AATF: variants seen among roughly 807,000 people sequenced by gnomAD.
AATF encodes the protein apoptosis antagonizing transcription factor, also known as protein AATF.
AATF carries 48 observed loss-of-function variants against 63.7 expected under a neutral mutation model. That is an observed-to-expected ratio of 0.75 (90% confidence interval 0.60 to 0.96). AATF has a LOEUF of 0.96. Among genes scored for constraint, AATF ranks in the 40% least tolerant of loss-of-function variants. The probability of loss-of-function intolerance (pLI) is 0.00; values close to 1 mark genes in which losing one functional copy is unlikely to be tolerated. For synonymous variants in AATF, 258 were observed against 247.7 expected (o/e 1.04, Z -0.39); for missense variants, 639 against 685.7 (o/e 0.93, Z 0.76).
chr17:37,003,147 A>G (rs1004139802), intron 8 of AATF, among the ~76,000 whole-genome samples: 1 of 152,126 alleles, frequency 6.6e-6, no homozygotes, highest in Admixed American at 6.5e-5. Context: ...TAACCTTTAC[A>G]TTTATAGTTC....
intron 2 of AATF, among the ~76,000 whole-genome samples, chr17:36,950,700 T>C (rs761988688): frequency 1.3e-5 from 2 of 152,184 alleles, no homozygotes; most frequent in Non-Finnish European, 2.9e-5. Context: ...GGTTTGTCCA[T>C]GTTGGTCAGG....
chr17:37,039,323 A>G (rs1227718736), intron 11 of AATF, among the ~76,000 whole-genome samples: 2 of 152,234 alleles, frequency 1.3e-5, no homozygotes, highest in Non-Finnish European at 2.9e-5. Flanking sequence ...TTATTCTGAC[A>G]GGTGAGACAA....
intron 4 of AATF, among the ~76,000 whole-genome samples, chr17:36,968,266 CTTTCTTTTTTTT>C (rs2071009607): frequency 1.3e-5 from 1 of 75,570 alleles, no homozygotes; most frequent in African/African-American, 5.4e-5. Context: ...TTCTTTCCTT[CTTTCTTTTTTTT>C]TTTTTTTTTT....
At chr17:37,007,053 T>G (rs968025882) in intron 8 of AATF, among the ~76,000 whole-genome samples, 4 of 152,232 alleles carry the variant, frequency 2.6e-5, no homozygotes, top group African/African-American at 9.6e-5. Context: ...TTCTTAGACC[T>G]TATTTGCATA....
At chr17:37,026,930 AG>A (rs2071515071) in intron 10 of AATF, among the ~76,000 whole-genome samples, 1 of 152,212 alleles carries the variant, frequency 6.6e-6, no homozygotes. Flanking sequence ...AGTGTATGCC[AG>A]CTGTCATCAC....
Position 37,019,086 on chromosome 17 carries a change from A to G in AATF, c.1466+14A>G, listed in dbSNP as rs1205849502. 23 of 1,611,942 alleles carry G rather than the reference A, an allele frequency of 1.4e-5. No homozygotes were observed. The highest frequency in any genetic ancestry group is 1.7e-5 in the Non-Finnish European group (20 of 1,178,170). On this transcript the variant is annotated intron_variant, in intron 9 of 11. Coordinates refer to ENST00000619387, the MANE Select transcript of AATF (RefSeq NM_012138.4). The stretch of plus-strand genomic sequence containing the variant: ...GGCCATGGGAAGGTAATTTAGATAC[A>G]GCTTTCTGTTCATGCAAGCAGCCTA...
At chr17:37,049,943 C>T (rs923233464) in intron 11 of AATF, among the ~76,000 whole-genome samples, 4 of 152,184 alleles carry the variant, frequency 2.6e-5, no homozygotes, top group South Asian at 2.1e-4. Context: ...TTTGGGCTCA[C>T]GAGGGCTGCG....
chr17:36,965,675 G>C (rs2070985826), intron 4 of AATF, among the ~76,000 whole-genome samples: 1 of 151,982 alleles, frequency 6.6e-6, no homozygotes, highest in Admixed American at 6.6e-5. Context: ...GGACATGTTT[G>C]GGATCTTCTC....
At chr17:36,954,719 G>A (rs900128372) in intron 4 of AATF, among the ~76,000 whole-genome samples, 6 of 152,198 alleles carry the variant, frequency 3.9e-5, no homozygotes, top group African/African-American at 1.4e-4. Context: ...TTAAGACCCA[G>A]AATGACTTGC....
chr17:37,033,933 T>C (rs977253552), intron 11 of AATF: 6 of 154,690 alleles, frequency 3.9e-5, no homozygotes, highest in African/African-American at 1.4e-4. Context: ...TTGTATTTCA[T>C]TGGCCAGAAC....
Position 36,985,100 on chromosome 17 carries a change from C to T in AATF, c.833-1517C>T, listed in dbSNP as rs546037729. 7.2e-5 allele frequency among the ~76,000 whole-genome samples: 11 copies of T among 152,172 alleles called. No homozygotes were observed. In the South Asian group the frequency reaches 8.3e-4, roughly 11 times the overall value. The stretch of plus-strand genomic sequence containing the variant: ...TACTTTTAGTACAGACGGGGTTTCG[C>T]CATGTTGGCCAGGCTGGTCTCGATC... On this transcript the variant is annotated intron_variant, in intron 4 of 11. Coordinates refer to ENST00000619387, the MANE Select transcript of AATF (RefSeq NM_012138.4).
At chr17:37,053,405 G>T (rs1280090246) in intron 11 of AATF, among the ~76,000 whole-genome samples, 1 of 151,790 alleles carries the variant, frequency 6.6e-6, no homozygotes, top group African/African-American at 2.4e-5. Flanking sequence ...TCAATTTTTT[G>T]AATTTTAAAA....
intron 5 of AATF, 137 bp from the exon 6 acceptor site, chr17:36,988,382 T>A: frequency 2.5e-6 from 2 of 786,944 alleles, no homozygotes; most frequent in Non-Finnish European, 4.0e-6. Context: ...AAAGCCATCC[T>A]TATATCTTTG....
chr17:37,025,224 G>A (rs1442990909), intron 10 of AATF, among the ~76,000 whole-genome samples: 1 of 151,936 alleles, frequency 6.6e-6, no homozygotes, highest in Non-Finnish European at 1.5e-5. Context: ...TTTTGTTGTT[G>A]TTTTTTGAGG....
At chr17:37,028,287 G>A (rs530630169) in intron 10 of AATF, among the ~76,000 whole-genome samples, 7 of 151,730 alleles carry the variant, frequency 4.6e-5, no homozygotes, top group African/African-American at 9.7e-5. Flanking sequence ...GCATGGTGGC[G>A]CACACCTCTA....
At chr17:37,044,657 T>C (rs1239425300) in intron 11 of AATF, among the ~76,000 whole-genome samples, 1 of 152,210 alleles carries the variant, frequency 6.6e-6, no homozygotes, top group Admixed American at 6.5e-5. Context: ...ACAGGTCAAG[T>C]GTCACCTATC....
intron 11 of AATF, among the ~76,000 whole-genome samples, chr17:37,044,487 C>A (rs1281363859): frequency 6.6e-6 from 1 of 152,166 alleles, no homozygotes; most frequent in Non-Finnish European, 1.5e-5. Flanking sequence ...AACACTCTTA[C>A]ATGTCCATCA....
intron 11 of AATF, among the ~76,000 whole-genome samples, chr17:37,042,331 A>G (rs1279815317): frequency 6.6e-6 from 1 of 151,482 alleles, no homozygotes; most frequent in Non-Finnish European, 1.5e-5. Flanking sequence ...TCTACTTGGG[A>G]GCATTATTTT....
Position 37,053,522 on chromosome 17 carries a change from G to A in AATF, c.1620-3079G>A, listed in dbSNP as rs1483535411. ...AACCATTATATTAGGACAAAACTCT[G>A]TAGGGAAAAGTCAGGTGGAAATAAA... On this transcript the variant is annotated intron_variant, in intron 11 of 11. Coordinates refer to ENST00000619387, the MANE Select transcript of AATF (RefSeq NM_012138.4). 2.6e-5 allele frequency among the ~76,000 whole-genome samples: 4 copies of A among 152,278 alleles called. No individual in the cohort carries two copies. In the East Asian group the frequency reaches 7.7e-4, roughly 29 times the overall value.
Sources: allele counts gnomAD v4.1 joint callset (sites outside exome capture counted in the v4.1 genomes callset), GRCh38; gene constraint gnomAD v4.1.1; transcripts MANE v1.5; gene names NCBI Gene and HGNC (gene_info 2026-07-23, HGNC 2026-07-21).